The following TAFA5 variants were observed in gnomAD, a reference collection of about 807,000 sequenced individuals.
The protein encoded by TAFA5 is chemokine-like protein TAFA-5.
A neutral mutation model predicts 15.3 loss-of-function variants in TAFA5; 6 were observed. That is an observed-to-expected ratio of 0.39 (90% CI 0.21 to 0.77). The LOEUF (loss-of-function observed/expected upper bound fraction) is 0.77, where lower values mean the gene tolerates loss of function less well. TAFA5 is among the 30% of genes least tolerant of loss of function. The probability of loss-of-function intolerance (pLI) is 0.41; values close to 1 mark genes in which losing one functional copy is unlikely to be tolerated. For synonymous variants in TAFA5, 103 were observed against 80.7 expected, an observed-to-expected ratio of 1.28 and a Z score of -1.48; for missense variants, 161 against 193.1, an observed-to-expected ratio of 0.83 and a Z score of 0.98.
chr22:48,705,417 T>C (rs942936153), intron 2 of TAFA5, among the ~76,000 whole-genome samples: 2 of 152,176 alleles, frequency 1.3e-5, no homozygotes, highest in East Asian at 3.9e-4. Flanking sequence ...TCATTCTGCC[T>C]GGGATGCTGT....
At chr22:48,694,286 C>T (rs539632707) in intron 2 of TAFA5, among the ~76,000 whole-genome samples, 2 of 152,210 alleles carry the variant, frequency 1.3e-5, no homozygotes, top group African/African-American at 2.4e-5. Flanking sequence ...AGGGCCCCAA[C>T]GCTCAGAAAG....
chr22:48,645,035 C>T lies in TAFA5; in HGVS notation c.113-1562C>T, dbSNP rs115315992. Among the ~76,000 whole-genome samples, 773 of 152,334 alleles carry T rather than the reference C, an allele frequency of 5.1e-3. 11 individuals are homozygous for T. The highest frequency in any genetic ancestry group is 0.018 in the African/African-American group (731 of 41,578). On this transcript the variant is annotated intron_variant, in intron 1 of 3. Coordinates refer to ENST00000402357, the MANE Select transcript of TAFA5 (RefSeq NM_001082967.3). The stretch of plus-strand genomic sequence containing the variant: ...GGACACCAAATTCTTTTCTAACCGC[C>T]GTGGCCCCAGGGCCCTGCACAGAGG...
intron 1 of TAFA5, among the ~76,000 whole-genome samples, chr22:48,529,683 G>T (rs1265290312): frequency 6.6e-6 from 1 of 151,470 alleles, no homozygotes; most frequent in South Asian, 2.1e-4. Flanking sequence ...AGGAGATGGG[G>T]GTGTCCAGGT....
intron 3 of TAFA5, among the ~76,000 whole-genome samples, chr22:48,736,533 C>G (rs13057555): frequency 0.051 from 5,200 of 102,772 alleles, 592 homozygotes; most frequent in Middle Eastern, 0.086. Context: ...CAAACCTGTA[C>G]ACGCCTGTTC....
chr22:48,502,996 C>G (rs1920961720), intron 1 of TAFA5, among the ~76,000 whole-genome samples: 1 of 152,188 alleles, frequency 6.6e-6, no homozygotes, highest in South Asian at 2.1e-4. Flanking sequence ...AGGCTCCTGC[C>G]CTGCAGAGGT....
Position 48,651,059 on chromosome 22 carries a change from G to A in TAFA5, c.262+4313G>A, listed in dbSNP as rs558996380. 3.9e-5 allele frequency among the ~76,000 whole-genome samples: 6 copies of A among 152,362 alleles called. No homozygotes were observed. The East Asian group carries it at 9.6e-4, about 24-fold the overall frequency. Reference sequence around the variant, plus strand: ...TGGCTGTACCTGGCCAGCCCGCCTCGCTGAAGCAAGGTCTTCCTTTATGAA... The same window carrying A: ...TGGCTGTACCTGGCCAGCCCGCCTCACTGAAGCAAGGTCTTCCTTTATGAA... On this transcript the variant is annotated intron_variant, in intron 2 of 3. Coordinates refer to ENST00000402357, the MANE Select transcript of TAFA5 (RefSeq NM_001082967.3).
At chr22:48,586,874 T>G (rs1013327301) in intron 1 of TAFA5, among the ~76,000 whole-genome samples, 1 of 152,190 alleles carries the variant, frequency 6.6e-6, no homozygotes, top group Non-Finnish European at 1.5e-5. Context: ...CTGCCCCATG[T>G]CCCCTGGATG....
At chr22:48,545,309 G>A (rs1431541146) in intron 1 of TAFA5, 2 of 249,546 alleles carry the variant, frequency 8.0e-6, no homozygotes, top group African/African-American at 2.2e-5. Context: ...TGCCTCAGAG[G>A]GGGCTGGATC....
intron 1 of TAFA5, among the ~76,000 whole-genome samples, chr22:48,526,809 C>T (rs1054539010): frequency 6.6e-6 from 1 of 152,198 alleles, no homozygotes; most frequent in Non-Finnish European, 1.5e-5. Flanking sequence ...AATATGCTGT[C>T]AAAATATGTT....
intron 2 of TAFA5, among the ~76,000 whole-genome samples, chr22:48,705,251 T>G (rs1345817574): frequency 1.3e-5 from 2 of 151,386 alleles, no homozygotes; most frequent in Non-Finnish European, 2.9e-5. Context: ...GGGGGTGGGG[T>G]GGGGCAGGAC....
intron 2 of TAFA5, among the ~76,000 whole-genome samples, chr22:48,655,748 G>A (rs1927214576): frequency 6.6e-6 from 1 of 151,884 alleles, no homozygotes; most frequent in African/African-American, 2.4e-5. Flanking sequence ...TGAGCGCTCT[G>A]AGCTGTGGGC....
At chr22:48,686,002 C>A in intron 2 of TAFA5, among the ~76,000 whole-genome samples, 1 of 151,336 alleles carries the variant, frequency 6.6e-6, no homozygotes, top group South Asian at 2.1e-4. Flanking sequence ...GGAGTACACG[C>A]AGGCCCCACG....
At chr22:48,610,250 C>T (rs1055636602) in intron 1 of TAFA5, among the ~76,000 whole-genome samples, 3 of 152,036 alleles carry the variant, frequency 2.0e-5, no homozygotes, top group Non-Finnish European at 4.4e-5. Flanking sequence ...GAGGACAGGC[C>T]GGAGGCTGCA....
intron 3 of TAFA5, among the ~76,000 whole-genome samples, chr22:48,738,124 G>A (rs1569100296): frequency 1.3e-5 from 2 of 152,150 alleles, no homozygotes; most frequent in South Asian, 2.1e-4. Context: ...CCTGGCTGCC[G>A]GGGCCAAGTG....
At chr22:48,744,743 C>T (rs555833835) in intron 3 of TAFA5, among the ~76,000 whole-genome samples, 51 of 152,124 alleles carry the variant, frequency 3.4e-4, no homozygotes, top group Non-Finnish European at 5.3e-4. Context: ...AGGCAGGGGG[C>T]GGGTTCCTTT....
At chr22:48,496,712 G>A (rs1424031207) in intron 1 of TAFA5, among the ~76,000 whole-genome samples, 2 of 152,196 alleles carry the variant, frequency 1.3e-5, no homozygotes, top group Admixed American at 1.3e-4. Flanking sequence ...TGGTTTGCAG[G>A]TGCACCGCAG....
chr22:48,627,846 C>T (rs998682548), intron 1 of TAFA5, among the ~76,000 whole-genome samples: 5 of 152,180 alleles, frequency 3.3e-5, no homozygotes, highest in Admixed American at 6.5e-5. Context: ...TGAGGCTGCC[C>T]GTGGAGTCCG....
chr22:48,595,872 G>T (rs1326754304), intron 1 of TAFA5, among the ~76,000 whole-genome samples: 4 of 152,242 alleles, frequency 2.6e-5, no homozygotes, highest in African/African-American at 9.6e-5. Flanking sequence ...TTATTAAGTG[G>T]CAAGATTATG....
intron 1 of TAFA5, among the ~76,000 whole-genome samples, chr22:48,608,006 A>G (rs1184776849): frequency 2.4e-5 from 3 of 122,772 alleles, no homozygotes; most frequent in Non-Finnish European, 3.6e-5. Context: ...GGCCTGGGGA[A>G]CGTGGAGGGA....
Sources: gnomAD v4.1 joint callset for allele counts (sites outside exome capture counted in the v4.1 genomes callset) on GRCh38, gnomAD v4.1.1 for gene constraint, MANE v1.5 for transcripts, NCBI Gene and HGNC (gene_info 2026-07-23, HGNC 2026-07-21) for gene names.